Variants in NQO1 observed in about 807,000 individuals in gnomAD.
NQO1 encodes the protein NAD(P)H dehydrogenase [quinone] 1.
A neutral mutation model predicts 32.1 loss-of-function variants in NQO1; 30 were observed. The observed-to-expected ratio is 0.94, with a 90% CI of 0.70 to 1.27. The LOEUF (loss-of-function observed/expected upper bound fraction) is 1.27. Among genes scored for constraint, NQO1 ranks in the 50% most tolerant of loss-of-function variants. The pLI is 0.00. For missense variants in NQO1, 276 were observed against 331.3 expected, an observed-to-expected ratio of 0.83 and a Z score of 1.30; for synonymous variants, 109 against 119.7, an observed-to-expected ratio of 0.91 and a Z score of 0.59.
chr16:69,718,620 G>C, intron 1 of NQO1, 86 bp from the exon 2 acceptor site: 2 of 1,418,152 alleles, frequency 1.4e-6, no homozygotes, highest in Non-Finnish European at 1.9e-6. Context: ...GTCTGTAAAG[G>C]AGGGGGCGGC....
chr16:69,724,960 C>G (rs559499553), intron 1 of NQO1, among the ~76,000 whole-genome samples: 84 of 152,110 alleles, frequency 5.5e-4, no homozygotes, highest in Non-Finnish European at 9.1e-4. Context: ...TTAAGCTACA[C>G]GTAAATACAG....
intron 1 of NQO1, among the ~76,000 whole-genome samples, chr16:69,722,266 C>A (rs1375918830): frequency 6.6e-6 from 1 of 152,090 alleles, no homozygotes; most frequent in Admixed American, 6.6e-5. Flanking sequence ...CGGGTTCAAG[C>A]GATTCTCCTT....
intron 1 of NQO1, among the ~76,000 whole-genome samples, chr16:69,719,968 G>C (rs1045257251): frequency 6.6e-6 from 1 of 152,036 alleles, no homozygotes; most frequent in Non-Finnish European, 1.5e-5. Flanking sequence ...TTTAGAGACT[G>C]TTGACCAGGT....
intron 1 of NQO1, among the ~76,000 whole-genome samples, chr16:69,719,034 C>CAAAAAAA (rs11423997): frequency 1.4e-5 from 2 of 144,210 alleles, no homozygotes; most frequent in Non-Finnish European, 3.0e-5. Flanking sequence ...GACTCCGTCT[C>CAAAAAAA]AAAAAAAAAA....
intron 3 of NQO1, among the ~76,000 whole-genome samples, chr16:69,716,945 T>C (rs2038120775): frequency 6.6e-6 from 1 of 152,084 alleles, no homozygotes; most frequent in Admixed American, 6.6e-5. Flanking sequence ...TGAGACCTTG[T>C]CTCCAATTTA....
intron 1 of NQO1, among the ~76,000 whole-genome samples, chr16:69,721,369 C>T (rs1051697322): frequency 9.9e-5 from 15 of 152,270 alleles, no homozygotes; most frequent in South Asian, 4.1e-4. Context: ...TCGCCCAGCA[C>T]GGGGCTCACC....
chr16:69,726,301 G>T, intron 1 of NQO1, 132 bp downstream of exon 1: 1 of 1,271,964 alleles, frequency 7.9e-7, no homozygotes, highest in South Asian at 1.5e-5. Flanking sequence ...GCTCATCCCA[G>T]GTCCCTAATC....
chr16:69,709,834 C>G lies in NQO1; in HGVS notation c.*1142G>C. The G allele has an allele frequency of 2.5e-6, 1 of 398,578 alleles. No homozygotes were observed. Among genetic ancestry groups the G allele is most frequent in the Non-Finnish European group, 4.4e-6 (1 of 226,066 alleles). The allele number at this position is 398,578 out of a possible 1,614,324, so 24.7% of individuals were successfully genotyped here. ...TAGGTTTACAATTGTACCCCAAGGT[C>G]ATGGGACTGGACCCCATCCCATAGT... On this transcript the variant is annotated 3_prime_UTR_variant, in exon 6 of 6. Coordinates refer to ENST00000320623, the MANE Select transcript of NQO1 (RefSeq NM_000903.3).
chr16:69,719,777 A>G (rs2038165273), intron 1 of NQO1, among the ~76,000 whole-genome samples: 1 of 151,866 alleles, frequency 6.6e-6, no homozygotes, highest in Non-Finnish European at 1.5e-5. Flanking sequence ...TGTCTCAGAA[A>G]AATAAATAAA....
chr16:69,718,358 A>C lies in NQO1; in HGVS notation c.172+12T>G. ...AGAACTAATTAAAGAGGGGAGGAGGAACTCCTCCTACCTGTGATGTCCTTT... is the reference window on the plus strand; with the variant it reads ...AGAACTAATTAAAGAGGGGAGGAGGCACTCCTCCTACCTGTGATGTCCTTT... On this transcript the variant is annotated intron_variant, in intron 2 of 5. Transcript: ENST00000320623. 1 of 1,613,776 alleles carries C rather than the reference A, an allele frequency of 6.2e-7. No homozygotes were observed. Among genetic ancestry groups the C allele is most frequent in the Non-Finnish European group, 8.5e-7 (1 of 1,179,760 alleles).
intron 1 of NQO1, among the ~76,000 whole-genome samples, chr16:69,721,383 C>T (rs1160102447): frequency 6.6e-6 from 1 of 152,150 alleles, no homozygotes; most frequent in African/African-American, 2.4e-5. Context: ...GCTCACCTGC[C>T]CTTCCACCTT....
chr16:69,724,596 G>C (rs2038237269), intron 1 of NQO1, among the ~76,000 whole-genome samples: 1 of 151,750 alleles, frequency 6.6e-6, no homozygotes. Context: ...CAGCTACTCG[G>C]GGGCAAAGAT....
rs2038010627 is a variant in NQO1, at chr16:69,709,646, A to G, written c.*1330T>C. On this transcript the variant is annotated 3_prime_UTR_variant, in exon 6 of 6. Transcript: ENST00000320623. The stretch of plus-strand genomic sequence containing the variant: ...AGAGGCTGTCTCCCATTTTTCAGGC[A>G]ACCTTTTCATCATTTCTCATCTCTT... 7.6e-6 allele frequency: 3 copies of G among 395,860 alleles called. No individual in the cohort carries two copies. The highest frequency in any genetic ancestry group is 1.3e-5 in the Non-Finnish European group (3 of 224,876). 24.5% of individuals were successfully genotyped at this position (395,860 alleles called of 1,614,324 possible).
At chr16:69,716,334 A>G (rs1173327438) in intron 3 of NQO1, among the ~76,000 whole-genome samples, 1 of 151,662 alleles carries the variant, frequency 6.6e-6, no homozygotes, top group Non-Finnish European at 1.5e-5. Flanking sequence ...GTTTCTACTA[A>G]AAATACAAAA....
At chr16:69,711,536 G>A (rs942585209) in intron 5 of NQO1, among the ~76,000 whole-genome samples, 30 of 152,284 alleles carry the variant, frequency 2.0e-4, no homozygotes, top group African/African-American at 6.7e-4. Context: ...TTGCCAAGAA[G>A]GCTGGAAGTT....
At position 69,711,162 on chromosome 16, in the gene NQO1, C is replaced by T. The variant is rs2038034444; in HGVS notation, c.639G>A (p.Glu213=). 1.2e-6 allele frequency: 2 copies of T among 1,614,208 alleles called. No individual in the cohort carries two copies. The highest frequency in any genetic ancestry group is 8.5e-7 in the Non-Finnish European group (1 of 1,180,040). ...QILEGWKKRL[E]NIWDETPLYF... ...ACAGTGGTGTCTCATCCCAAATATT[C>T]TCCAGGCGTTTCTTCCATCCTTCCA... is the stretch of plus-strand genomic sequence containing the variant. The change falls in exon 6 of 6, where the codon GAG becomes GAA. Residue 213 remains glutamate, a synonymous_variant. Coordinates refer to ENST00000320623, the MANE Select transcript of NQO1 (RefSeq NM_000903.3).
intron 1 of NQO1, 29 bp downstream of exon 1, chr16:69,726,404 C>T: frequency 3.1e-6 from 5 of 1,611,498 alleles, no homozygotes; most frequent in Non-Finnish European, 4.2e-6. Context: ...GAGACGACCG[C>T]CAAGCACCCC....
intron 2 of NQO1, 30 bp downstream of exon 2, chr16:69,718,340 A>C: frequency 6.2e-7 from 1 of 1,613,948 alleles, no homozygotes; most frequent in Non-Finnish European, 8.5e-7. Flanking sequence ...CAAAGAACTA[A>C]TTAAAGAGGG....
At chr16:69,718,971 G>C (rs572658603) in intron 1 of NQO1, among the ~76,000 whole-genome samples, 3 of 150,684 alleles carry the variant, frequency 2.0e-5, no homozygotes, top group Non-Finnish European at 4.4e-5. Flanking sequence ...GGAGGGGGAG[G>C]TTGCAGTGAG....
Sources: allele counts gnomAD v4.1 joint callset (sites outside exome capture counted in the v4.1 genomes callset), GRCh38; gene constraint gnomAD v4.1.1; transcripts MANE v1.5; gene names NCBI Gene and HGNC (gene_info 2026-07-23, HGNC 2026-07-21).